RFC3: variants seen among roughly 807,000 people sequenced by gnomAD.
The protein encoded by RFC3 is replication factor C subunit 3.
Under a neutral mutation model 45.1 loss-of-function variants are expected in RFC3, and 41 were observed. The ratio of observed to expected loss-of-function variants is 0.91; its 90% CI spans 0.71 to 1.18. The LOEUF (loss-of-function observed/expected upper bound fraction) is 1.18. RFC3 is among the 50% of genes most tolerant of loss of function. The pLI is 0.00. For missense variants in RFC3, 423 were observed against 428.1 expected (o/e 0.99, Z 0.10); for synonymous variants, 149 against 144.0 (o/e 1.03, Z -0.25).
chr13:33,907,612 GC>G (rs1224011010), intron 8 of RFC3, among the ~76,000 whole-genome samples: 2 of 151,920 alleles, frequency 1.3e-5, no homozygotes, highest in Admixed American at 1.3e-4. Context: ...AATTAAAATT[GC>G]CTCTTTGGTT....
In RFC3 at chr13:33,819,172, G is replaced by C. The variant is rs1342941611; in HGVS notation, c.87+907G>C. ...CTCCCAAAGTGCTGGGATTACAGGC[G>C]TGGGCCACCGTGCGTGGCTGAGATT... On this transcript the variant is annotated intron_variant, in intron 1 of 8. Transcript: ENST00000380071. Among the ~76,000 whole-genome samples the C allele has an allele frequency of 2.0e-5, 3 of 152,182 alleles. No homozygotes were observed. The South Asian group carries it at 6.2e-4, about 31-fold the overall frequency.
intron 8 of RFC3, among the ~76,000 whole-genome samples, chr13:33,960,674 G>A (rs556857326): frequency 1.3e-3 from 21 of 16,402 alleles, no homozygotes; most frequent in African/African-American, 1.4e-3. Flanking sequence ...GAAGGAGAAT[G>A]ACAAATAGCC....
At chr13:33,854,298 A>G (rs914234262) in intron 8 of RFC3, among the ~76,000 whole-genome samples, 1 of 152,208 alleles carries the variant, frequency 6.6e-6, no homozygotes, top group Admixed American at 6.5e-5. Context: ...AAGCAAAGAC[A>G]AAGTAAATGG....
intron 7 of RFC3, among the ~76,000 whole-genome samples, chr13:33,831,630 T>G (rs953688697): frequency 1.2e-4 from 18 of 144,864 alleles, no homozygotes; most frequent in African/African-American, 4.9e-4. Flanking sequence ...TTTTAGGATC[T>G]CAGATTACTT....
At position 33,820,164 on chromosome 13, in the gene RFC3, AC is replaced by A. The variant is rs1193551488; in HGVS notation, c.88-966del. Among the ~76,000 whole-genome samples, 6 of 152,328 alleles carry A rather than the reference AC, an allele frequency of 3.9e-5. No individual in the cohort carries two copies. The East Asian group carries it at 1.2e-3, about 29-fold the overall frequency. ...TAGCCTTCATAGCACTGGTTCCCAA[AC>A]CAGACTGATCATCAGAAACACCCGA... On this transcript the variant is annotated intron_variant, in intron 1 of 8. Coordinates refer to ENST00000380071, the MANE Select transcript of RFC3 (RefSeq NM_002915.4).
chr13:33,913,988 G>T (rs1273403192), intron 8 of RFC3, among the ~76,000 whole-genome samples: 1 of 145,208 alleles, frequency 6.9e-6, no homozygotes, highest in South Asian at 2.1e-4. Flanking sequence ...TAAGTGATAT[G>T]CTCATGTAAT....
chr13:33,866,828 A>G (rs960337714), intron 8 of RFC3, among the ~76,000 whole-genome samples: 10 of 152,218 alleles, frequency 6.6e-5, no homozygotes, highest in Non-Finnish European at 1.2e-4. Flanking sequence ...TACCAGGAGG[A>G]ATAGGTATTT....
intron 8 of RFC3, among the ~76,000 whole-genome samples, chr13:33,889,859 A>G (rs567623825): frequency 6.6e-6 from 1 of 152,296 alleles, no homozygotes; most frequent in Admixed American, 6.5e-5. Context: ...TATATACACA[A>G]TATAATATTA....
chr13:33,858,465 G>A (rs1346393226), intron 8 of RFC3, among the ~76,000 whole-genome samples: 1 of 152,118 alleles, frequency 6.6e-6, no homozygotes, highest in Non-Finnish European at 1.5e-5. Context: ...AAAATTGTTG[G>A]TAACCAGGTC....
intron 8 of RFC3, among the ~76,000 whole-genome samples, chr13:33,924,456 A>G (rs1189563897): frequency 6.6e-6 from 1 of 152,042 alleles, no homozygotes; most frequent in East Asian, 1.9e-4. Context: ...TACCGCTATT[A>G]TAGCTGTTTT....
At chr13:33,977,060 TC>T in the RFC3 span, among the ~76,000 whole-genome samples, 207 of 152,114 alleles carry the variant, frequency 1.4e-3, 1 homozygote, top group African/African-American at 4.9e-3. Context: ...AAATCACACA[TC>T]CCAAGTGAGG....
chr13:33,867,625 T>G (rs897860082), intron 8 of RFC3, among the ~76,000 whole-genome samples: 4 of 152,090 alleles, frequency 2.6e-5, no homozygotes, highest in Non-Finnish European at 5.9e-5. Flanking sequence ...TATCAAGTGG[T>G]GAAAATTAAT....
chr13:33,910,086 T>C (rs1463848658), intron 8 of RFC3, among the ~76,000 whole-genome samples: 2 of 152,252 alleles, frequency 1.3e-5, no homozygotes, highest in Middle Eastern at 3.4e-3. Flanking sequence ...GCACTTCTTA[T>C]TGTGTTATTA....
intron 8 of RFC3, among the ~76,000 whole-genome samples, chr13:33,856,262 A>G (rs1040528119): frequency 6.6e-6 from 1 of 152,196 alleles, no homozygotes; most frequent in Admixed American, 6.5e-5. Flanking sequence ...ACAAGTTTTT[A>G]TTTATAAGTG....
chr13:33,840,331 G>A (rs2082188712), downstream of RFC3, among the ~76,000 whole-genome samples: 2 of 152,006 alleles, frequency 1.3e-5, no homozygotes, highest in Admixed American at 6.6e-5. Flanking sequence ...AGCTCTGGCA[G>A]TTTCATTTGC....
Position 33,821,214 on chromosome 13 carries a change from G to T in RFC3, c.170G>T (p.Arg57Leu). 1 of 1,613,550 alleles carries T rather than the reference G, an allele frequency of 6.2e-7. No individual in the cohort carries two copies. The highest frequency in any genetic ancestry group is 8.5e-7 in the Non-Finnish European group (1 of 1,179,636). Residue 57 changes from arginine (R) to leucine (L), a missense_variant, in exon 2 of 9, where the codon CGT becomes CTT. Arg to Leu is a moderately radical substitution (Grantham distance 102). Transcript: ENST00000380071. ...GKKTRIMCIL[R>L]ELYGVGVEKL... ...AAGACAAGAATTATGTGTATTCTAC[G>T]TGAACTTTATGGTGTTGGAGTGGAA...
At position 33,853,608 on chromosome 13, in the gene RFC3, A is replaced by C. The variant is rs2082290591; in HGVS notation, c.879+18391A>C. Reference sequence around the variant, plus strand: ...CGCTGGAGGAAGAGATTATTTATTCACTAAGAAAGAATACAGGGAGAAAGG... The same window carrying C: ...CGCTGGAGGAAGAGATTATTTATTCCCTAAGAAAGAATACAGGGAGAAAGG... On this transcript the variant is annotated intron_variant, in intron 8 of 8. Coordinates refer to the RFC3 transcript ENST00000434425. Among the ~76,000 whole-genome samples the C allele has an allele frequency of 2.0e-5, 3 of 152,218 alleles. No individual in the cohort carries two copies. In the South Asian group the frequency reaches 6.2e-4, roughly 31 times the overall value.
intron 8 of RFC3, among the ~76,000 whole-genome samples, chr13:33,925,822 A>G (rs146348299): frequency 2.6e-5 from 4 of 152,066 alleles, no homozygotes; most frequent in East Asian, 1.9e-4. Flanking sequence ...ACCACCACAT[A>G]TCTCCTGAAA....
intron 8 of RFC3, among the ~76,000 whole-genome samples, chr13:33,891,916 C>T (rs560820501): frequency 6.3e-4 from 95 of 151,974 alleles, no homozygotes; most frequent in African/African-American, 2.0e-3. Context: ...GGAAAATTAA[C>T]GAGACATCAG....
Sources: allele counts gnomAD v4.1 joint callset (sites outside exome capture counted in the v4.1 genomes callset), GRCh38; gene constraint gnomAD v4.1.1; transcripts MANE v1.5; gene names NCBI Gene and HGNC (gene_info 2026-07-23, HGNC 2026-07-21).